The following PCDHA3 variants were observed in gnomAD, a reference collection of about 807,000 sequenced individuals.
PCDHA3 encodes protocadherin alpha 3, also known as protocadherin alpha-3.
Under a neutral mutation model 62.2 loss-of-function variants are expected in PCDHA3, and 41 were observed. The observed-to-expected ratio is 0.66, with a 90% confidence interval of 0.51 to 0.86. PCDHA3 has a LOEUF of 0.86. PCDHA3 is among the 40% of genes least tolerant of loss of function. PCDHA3 has a pLI of 0.00. For synonymous variants in PCDHA3, 640 were observed against 555.4 expected (o/e 1.15, Z -2.14); for missense variants, 1,304 against 1,241.2 (o/e 1.05, Z -0.76).
At position 140,982,483 on chromosome 5, in the gene PCDHA3, A is replaced by C. The variant is rs1554244276; in HGVS notation, c.2462A>C (p.His821Pro). 1.2e-5 allele frequency: 20 copies of C among 1,614,142 alleles called. No homozygotes were observed. In the South Asian group the frequency reaches 1.9e-4, roughly 15 times the overall value. The stretch of plus-strand genomic sequence containing the variant: ...TCTGTGTGTTTATTCAGCTCTGTGC[A>C]CCTAGAGGAGGCTGGCATTCTACGG... ...SLRAGMHSSV[H>P]LEEAGILRAG... The change falls in exon 3 of 4, where the codon CAC becomes CCC. Residue 821 changes from histidine to proline, a missense_variant. By Grantham distance (77) the His-to-Pro change is moderately conservative. Coordinates refer to ENST00000522353, the MANE Select transcript of PCDHA3 (RefSeq NM_018906.3).
At chr5:140,918,007 G>C (rs1313004826) in intron 1 of PCDHA3, among the ~76,000 whole-genome samples, 1 of 151,954 alleles carries the variant, frequency 6.6e-6, no homozygotes, top group Non-Finnish European at 1.5e-5. Context: ...TAACAATGTT[G>C]TTTCTTCCTA....
rs2150468826 is a variant in PCDHA3, at chr5:140,850,123, C to G, written c.2394+46532C>G. ...GTGAGCGCGCGCGACGCGGGCGTGCCGCCTCTGGGCAGCAACGTGACGCTG... is the reference window on the plus strand; with the variant it reads ...GTGAGCGCGCGCGACGCGGGCGTGCGGCCTCTGGGCAGCAACGTGACGCTG... On this transcript the variant is annotated intron_variant, in intron 1 of 3. Coordinates refer to ENST00000522353, the MANE Select transcript of PCDHA3 (RefSeq NM_018906.3). The G allele has an allele frequency of 1.3e-5, 21 of 1,595,804 alleles. 4 individuals carry two copies. The highest frequency in any genetic ancestry group is 2.7e-5 in the African/African-American group (2 of 74,358).
rs200121350 is a variant in PCDHA3 at position 140,876,941 on chromosome 5, T to C, written c.2394+73350T>C. The C allele has an allele frequency of 7.9e-5, 128 of 1,613,666 alleles. No individual in the cohort carries two copies. The Middle Eastern group carries it at 1.4e-3, about 17-fold the overall frequency. ...GCGGACGCGCAGAAGAACGCGCTGGTGTCCTACTCGCTGGTGGAGCGGCGG... is the reference window on the plus strand; with the variant it reads ...GCGGACGCGCAGAAGAACGCGCTGGCGTCCTACTCGCTGGTGGAGCGGCGG... On this transcript the variant is annotated intron_variant, in intron 1 of 3. Coordinates refer to ENST00000522353, the MANE Select transcript of PCDHA3 (RefSeq NM_018906.3).
At chr5:140,829,025 C>T in intron 1 of PCDHA3, 2 of 1,613,002 alleles carry the variant, frequency 1.2e-6, no homozygotes, top group Non-Finnish European at 1.7e-6. Context: ...GGATTTTGAA[C>T]AAGAAAACTT....
Position 140,880,781 on chromosome 5 carries a change from G to C in PCDHA3, c.2394+77190G>C, listed in dbSNP as rs575201091. Reference sequence around the variant, plus strand: ...GTGTTGGAGGCTAAAAAGAATGTTAGAGGAGTAATATAAATAGGTGAATGA... The same window carrying C: ...GTGTTGGAGGCTAAAAAGAATGTTACAGGAGTAATATAAATAGGTGAATGA... On this transcript the variant is annotated intron_variant, in intron 1 of 3. Transcript: ENST00000522353. Among the ~76,000 whole-genome samples the C allele has an allele frequency of 5.9e-5, 9 of 152,346 alleles. No homozygotes were observed. In the East Asian group the frequency reaches 1.3e-3, roughly 23 times the overall value.
At chr5:140,843,923 C>T (rs1779144561) in intron 1 of PCDHA3, 1 of 599,994 alleles carries the variant, frequency 1.7e-6, no homozygotes, top group Non-Finnish European at 2.9e-6. Context: ...TATCTTGAAA[C>T]TCAAGTTATG....
At chr5:140,841,880 G>C (rs1777553890) in intron 1 of PCDHA3, 18 of 1,613,708 alleles carry the variant, frequency 1.1e-5, no homozygotes, top group Non-Finnish European at 1.4e-5. Flanking sequence ...TTCAAAGAAC[G>C]ATGAGAATAA....
intron 1 of PCDHA3, chr5:140,883,919 C>T (rs1554180590): frequency 1.2e-6 from 2 of 1,613,316 alleles, no homozygotes; most frequent in Non-Finnish European, 8.5e-7. Flanking sequence ...CAACGTGACG[C>T]TGCAGGTGTT....
intron 1 of PCDHA3, chr5:140,821,989 G>C (rs2150112697): frequency 1.2e-6 from 2 of 1,614,206 alleles, no homozygotes; most frequent in South Asian, 1.1e-5. Context: ...GGGCCGCGGG[G>C]ACCTTCTGGA....
At position 140,998,145 on chromosome 5, in the gene PCDHA3, A is replaced by G. The variant is rs115385085; in HGVS notation, c.2543-11482A>G. ...GAATCATAATAGCTAACCTGTACTG[A>G]ACAGTTAAGCCATGTGCCAAGTATT... On this transcript the variant is annotated intron_variant, in intron 3 of 3. Transcript: ENST00000522353. 2.1e-3 allele frequency among the ~76,000 whole-genome samples: 325 copies of G among 152,342 alleles called. 2 individuals carry two copies. Among genetic ancestry groups the G allele is most frequent in the African/African-American group, 7.1e-3 (294 of 41,566 alleles).
At chr5:140,928,592 T>A in intron 1 of PCDHA3, 1 of 1,614,178 alleles carries the variant, frequency 6.2e-7, no homozygotes, top group Non-Finnish European at 8.5e-7. Flanking sequence ...TCTGTCCCAG[T>A]GGAAATTGTG....
intron 1 of PCDHA3, chr5:140,822,166 A>C: frequency 6.2e-7 from 1 of 1,614,252 alleles, no homozygotes; most frequent in Non-Finnish European, 8.5e-7. Context: ...CAATCCGCCC[A>C]GGTTCTCCAG....
At chr5:140,951,426 A>T (rs1282737926) in intron 1 of PCDHA3, among the ~76,000 whole-genome samples, 1 of 152,068 alleles carries the variant, frequency 6.6e-6, no homozygotes, top group Non-Finnish European at 1.5e-5. Flanking sequence ...ACAGTTCCAC[A>T]GGCTGTAGGA....
intron 1 of PCDHA3, chr5:140,882,751 T>C: frequency 6.2e-7 from 1 of 1,614,242 alleles, no homozygotes; most frequent in Non-Finnish European, 8.5e-7. Flanking sequence ...CCGATGCAGA[T>C]ATTGGAGTAA....
intron 1 of PCDHA3, chr5:140,834,235 C>A: frequency 1.3e-6 from 1 of 779,654 alleles, no homozygotes; most frequent in South Asian, 2.0e-5. Flanking sequence ...GAAGTCATTC[C>A]TTTTCGCACT....
At chr5:140,996,591 T>TC (rs201351256) in intron 3 of PCDHA3, among the ~76,000 whole-genome samples, 1,577 of 152,202 alleles carry the variant, frequency 0.01, 12 homozygotes, top group Middle Eastern at 0.058. Flanking sequence ...AAGGGCCGCC[T>TC]CCCCCCATTT....
chr5:140,809,099 G>A (rs782619886), intron 1 of PCDHA3: 5 of 1,613,982 alleles, frequency 3.1e-6, no homozygotes, highest in Non-Finnish European at 4.2e-6. Flanking sequence ...GCGTGCCCTG[G>A]ACGAAACGGA....
chr5:140,851,923 T>G, intron 1 of PCDHA3: 1 of 967,860 alleles, frequency 1.0e-6, no homozygotes, highest in Non-Finnish European at 1.2e-6. Flanking sequence ...CATGTTATGT[T>G]TCCTGAATTG....
intron 1 of PCDHA3, among the ~76,000 whole-genome samples, chr5:140,817,910 A>T (rs191230679): frequency 5.8e-4 from 89 of 152,298 alleles, no homozygotes; most frequent in Admixed American, 5.7e-3. Context: ...ATGACATTCC[A>T]TGGTCTTCTT....
Sources: allele counts gnomAD v4.1 joint callset (sites outside exome capture counted in the v4.1 genomes callset), GRCh38; gene constraint gnomAD v4.1.1; transcripts MANE v1.5; gene names NCBI Gene and HGNC (gene_info 2026-07-23, HGNC 2026-07-21).